The following PLCG2 variants were observed in gnomAD, a reference collection of about 807,000 sequenced individuals.
The protein encoded by PLCG2 is phospholipase C gamma 2.
Under a neutral mutation model 175.6 loss-of-function variants are expected in PLCG2, and 69 were observed. The observed-to-expected ratio is 0.39, with a 90% CI of 0.32 to 0.48. The LOEUF is 0.48. Ranked by LOEUF, PLCG2 falls within the 20% of genes least tolerant of loss-of-function variation. The probability of loss-of-function intolerance (pLI) is 0.91; values close to 1 mark genes in which losing one functional copy is unlikely to be tolerated. For synonymous variants in PLCG2, 827 were observed against 624.0 expected (o/e 1.33, Z -4.85); for missense variants, 1,798 against 1,650.9 (o/e 1.09, Z -1.54).
At chr16:81,825,408 C>G (rs978086446) in intron 2 of PLCG2, among the ~76,000 whole-genome samples, 1 of 151,322 alleles carries the variant, frequency 6.6e-6, no homozygotes, top group African/African-American at 2.4e-5. Context: ...CTTGCTTCAG[C>G]TTCCCAAGTA....
chr16:81,839,999 G>C (rs914954771), intron 2 of PLCG2, among the ~76,000 whole-genome samples: 2 of 152,224 alleles, frequency 1.3e-5, no homozygotes, highest in Admixed American at 6.5e-5. Context: ...CAAGGATGCA[G>C]TGAGCTGTGA....
At position 81,880,594 on chromosome 16, in the gene PLCG2, C is replaced by T. The variant is rs555464015; in HGVS notation, c.649-316C>T. 1.2e-4 allele frequency among the ~76,000 whole-genome samples: 18 copies of T among 152,134 alleles called. No homozygotes were observed. In the East Asian group the frequency reaches 2.5e-3, roughly 21 times the overall value. On this transcript the variant is annotated intron_variant, in intron 7 of 32. Coordinates refer to ENST00000564138, the MANE Select transcript of PLCG2 (RefSeq NM_002661.5). ...ACACAGCAAAAAATTGTGAGATGTA[C>T]GTAAATGTTATAATATGATATGATA... is the stretch of plus-strand genomic sequence containing the variant.
intron 2 of PLCG2, among the ~76,000 whole-genome samples, chr16:81,794,269 T>C (rs1567467518): frequency 6.6e-6 from 1 of 152,194 alleles, no homozygotes; most frequent in African/African-American, 2.4e-5. Flanking sequence ...TGGACTTCTT[T>C]TCATGGAAAA....
At chr16:81,925,525 ACT>A (rs1472916372) in intron 22 of PLCG2, among the ~76,000 whole-genome samples, 2 of 152,046 alleles carry the variant, frequency 1.3e-5, no homozygotes, top group Non-Finnish European at 2.9e-5. Context: ...ATCAGTCCTC[ACT>A]CTGCTTATTC....
intron 2 of PLCG2, among the ~76,000 whole-genome samples, chr16:81,844,127 C>G (rs1199194340): frequency 1.3e-5 from 2 of 148,542 alleles, no homozygotes; most frequent in Non-Finnish European, 3.0e-5. Flanking sequence ...CAGGTGCCCG[C>G]CACCACACCC....
intron 19 of PLCG2, 96 bp downstream of exon 19, chr16:81,912,812 C>T: frequency 2.2e-6 from 3 of 1,384,700 alleles, no homozygotes; most frequent in South Asian, 1.5e-5. Context: ...GGCTCACCTG[C>T]AGTGCCCTGC....
intron 13 of PLCG2, among the ~76,000 whole-genome samples, chr16:81,900,400 C>G (rs1909097061): frequency 6.6e-6 from 1 of 152,360 alleles, no homozygotes; most frequent in South Asian, 2.1e-4. Flanking sequence ...GGGGAAGCTC[C>G]TGAATCAGAT....
Position 81,956,850 on chromosome 16 carries a change from C to G in PLCG2, c.3726C>G (p.Leu1242=). 1 of 1,613,892 alleles carries G rather than the reference C, an allele frequency of 6.2e-7. No homozygotes were observed. The highest frequency in any genetic ancestry group is 8.5e-7 in the Non-Finnish European group (1 of 1,179,868). Residue 1242 remains leucine, a synonymous_variant, in exon 32 of 33, where the codon CTC becomes CTG. Transcript: ENST00000564138. The stretch of plus-strand genomic sequence containing the variant: ...AGTTCAGTGTTAATGAGAACCAGCT[C>G]CAGCTGTACCAGGAGAAATGCAACA... ...VKEFSVNENQ[L]QLYQEKCNKR...
chr16:81,882,212 C>T (rs150850754), intron 8 of PLCG2, among the ~76,000 whole-genome samples: 11 of 152,276 alleles, frequency 7.2e-5, no homozygotes, highest in East Asian at 1.9e-4. Flanking sequence ...CCATCCAACC[C>T]GGGGGTGGCT....
intron 21 of PLCG2, 128 bp downstream of exon 21, chr16:81,921,397 T>C (rs1435873192): frequency 1.4e-6 from 1 of 717,772 alleles, no homozygotes; most frequent in Non-Finnish European, 2.6e-6. Context: ...AATAATTTTT[T>C]TTTTTTTTTG....
intron 2 of PLCG2, among the ~76,000 whole-genome samples, chr16:81,791,476 G>T (rs571006049): frequency 6.6e-6 from 1 of 152,152 alleles, no homozygotes; most frequent in African/African-American, 2.4e-5. Flanking sequence ...AGGTCATTTG[G>T]TGTCACCTCG....
rs753550686 is a variant in PLCG2 at position 81,961,199 on chromosome 16, A to C, written c.*3201A>C. 3.5e-5 allele frequency: 8 copies of C among 227,560 alleles called. No individual in the cohort carries two copies. Among genetic ancestry groups the C allele is most frequent in the East Asian group, 6.3e-5 (1 of 15,770 alleles). The allele number at this position is 227,560 out of a possible 1,614,324, so 14.1% of individuals were successfully genotyped here. A position where few individuals can be genotyped will look rare whatever the true frequency, so the allele number is the denominator to read the frequency against. ...GTTGGAAGAATTCAGTGATTCTGCT[A>C]TCATAAAGCTTCCGTTCCCATTGAT... On this transcript the variant is annotated 3_prime_UTR_variant, in exon 33 of 33. Transcript: ENST00000564138.
At chr16:81,875,208 C>A (rs898045873) in intron 7 of PLCG2, among the ~76,000 whole-genome samples, 2 of 152,040 alleles carry the variant, frequency 1.3e-5, no homozygotes, top group Non-Finnish European at 2.9e-5. Context: ...AGGTGATCCT[C>A]CCGCCTTGGC....
At chr16:81,781,884 G>A (rs1037136599) in intron 1 of PLCG2, among the ~76,000 whole-genome samples, 1 of 83,700 alleles carries the variant, frequency 1.2e-5, no homozygotes, top group Non-Finnish European at 2.5e-5. Context: ...CCCCCCGCCC[G>A]CCCCCGAGAC....
intron 2 of PLCG2, among the ~76,000 whole-genome samples, chr16:81,806,387 T>C (rs1912023177): frequency 6.6e-6 from 1 of 152,084 alleles, no homozygotes; most frequent in Non-Finnish European, 1.5e-5. Flanking sequence ...TGTGGAAGTG[T>C]GTCTACCAGC....
intron 2 of PLCG2, among the ~76,000 whole-genome samples, chr16:81,787,217 T>C (rs573291612): frequency 6.6e-6 from 1 of 152,180 alleles, no homozygotes; most frequent in Admixed American, 6.5e-5. Context: ...CTCTTTTTTT[T>C]TTAAAACAAA....
rs372814853 is a variant in PLCG2, at chr16:81,907,788, C to G, written c.1557+14C>G. Reference sequence around the variant, plus strand: ...GAAGTGCCCCAGGTAGGGGGACACCCTAGCCACATAGGGAGGAGGTCCCCA... The same window carrying G: ...GAAGTGCCCCAGGTAGGGGGACACCGTAGCCACATAGGGAGGAGGTCCCCA... On this transcript the variant is annotated intron_variant, in intron 16 of 32. Coordinates refer to ENST00000564138, the MANE Select transcript of PLCG2 (RefSeq NM_002661.5). 190 of 1,600,166 alleles carry G rather than the reference C, an allele frequency of 1.2e-4. No homozygotes were observed. The highest frequency in any genetic ancestry group is 1.5e-4 in the Non-Finnish European group (176 of 1,168,802).
intron 1 of PLCG2, among the ~76,000 whole-genome samples, chr16:81,784,098 C>A (rs1436281039): frequency 6.6e-6 from 1 of 152,156 alleles, no homozygotes; most frequent in African/African-American, 2.4e-5. Context: ...TAGTCTGTTT[C>A]CCCATGGGCA....
chr16:81,758,348 C>G (rs1016767596), intron 2 of PLCG2, among the ~76,000 whole-genome samples: 2 of 152,142 alleles, frequency 1.3e-5, no homozygotes, highest in Admixed American at 6.6e-5. Flanking sequence ...CTTTTTATTG[C>G]TGAGTAATAT....
Sources: allele counts gnomAD v4.1 joint callset (sites outside exome capture counted in the v4.1 genomes callset), GRCh38; gene constraint gnomAD v4.1.1; transcripts MANE v1.5; gene names NCBI Gene and HGNC (gene_info 2026-07-23, HGNC 2026-07-21).